The following CACNA1G variants were observed in gnomAD, a reference collection of about 807,000 sequenced individuals.
CACNA1G encodes the protein calcium voltage-gated channel subunit alpha1 G, also known as voltage-dependent T-type calcium channel subunit alpha-1G.
Under a neutral mutation model 219.4 loss-of-function variants are expected in CACNA1G, and 67 were observed. The observed-to-expected ratio is 0.31, with a 90% CI of 0.25 to 0.37. The LOEUF is 0.37. Ranked by LOEUF, CACNA1G falls within the 10% of genes least tolerant of loss-of-function variation. CACNA1G has a pLI of 1.00. For missense variants in CACNA1G, 2,380 were observed against 3,231.4 expected, an observed-to-expected ratio of 0.74 and a Z score of 6.39; for synonymous variants, 1,296 against 1,345.3, an observed-to-expected ratio of 0.96 and a Z score of 0.80.
chr17:50,615,197 C>T (rs542625584), intron 26 of CACNA1G, among the ~76,000 whole-genome samples, 164 bp from the exon 27 acceptor site: 3 of 151,904 alleles, frequency 2.0e-5, no homozygotes, highest in East Asian at 1.9e-4. Context: ...CACGCCCAGA[C>T]GGCTGCCCCC....
In CACNA1G at chr17:50,596,862, C is replaced by T. The variant is rs577659325; in HGVS notation, c.3197C>T (p.Ser1066Leu). The T allele has an allele frequency of 2.9e-5, 46 of 1,595,396 alleles. No individual in the cohort carries two copies. In the African/African-American group the frequency reaches 4.3e-4, roughly 15 times the overall value. Residue 1066 changes from serine (S) to leucine (L), a missense_variant, in exon 16 of 38, where the codon TCG becomes TTG. Transcript: ENST00000359106. The surrounding 1 kb of genome is among the most constrained non-coding windows in gnomAD (Gnocchi z 4.8). ...TGLGEALGPA[S>L]RRTSSSGSAE... ...CTGGGCGAGGCGCTGGGCCCTGCGT[C>T]GCGCCGCACCAGCAGCAGCGGGTCG...
At position 50,575,744 on chromosome 17, in the gene CACNA1G, G is replaced by A. The variant is rs1424708766; in HGVS notation, c.1342G>A (p.Ala448Thr). The change falls in exon 8 of 38, where the codon GCC becomes ACC. Residue 448 changes from alanine (A) to threonine (T), a missense_variant. By Grantham distance (58) the Ala-to-Thr change is moderately conservative (BLOSUM62 0). Around this residue, in one of 17 missense-constraint regions of CACNA1G, gnomAD observed 434 missense variants for 417.3 expected, o/e 1.04. Coordinates refer to ENST00000359106, the MANE Select transcript of CACNA1G (RefSeq NM_018896.5). ...CCTGGTGTACATCCTTCGTAAGGCA[G>A]CCCGCAGGCTGGCTCAGGTCTCTCG... Reference protein sequence around the residue: ...KYLVYILRKAARRLAQVSRAA... With the variant: ...KYLVYILRKATRRLAQVSRAA... 1.3e-6 allele frequency: 2 copies of A among 1,575,996 alleles called. No individual in the cohort carries two copies. Among genetic ancestry groups the A allele is most frequent in the Non-Finnish European group, 1.7e-6 (2 of 1,161,114 alleles).
At chr17:50,572,942 G>C in intron 6 of CACNA1G, 79 bp from the exon 7 acceptor site, 1 of 1,571,596 alleles carries the variant, frequency 6.4e-7, no homozygotes, top group Non-Finnish European at 8.7e-7. Context: ...CAGGGTTGGG[G>C]TGGGGGTCAA....
chr17:50,625,254 A>C (rs2053446165), intron 37 of CACNA1G, among the ~76,000 whole-genome samples: 1 of 152,216 alleles, frequency 6.6e-6, no homozygotes, highest in Non-Finnish European at 1.5e-5. Flanking sequence ...GCCCGGCCCC[A>C]GAGCCCACCT....
chr17:50,606,728 T>A (rs2048044574), intron 23 of CACNA1G, among the ~76,000 whole-genome samples, 172 bp from the exon 24 acceptor site: 1 of 152,092 alleles, frequency 6.6e-6, no homozygotes, highest in Non-Finnish European at 1.5e-5. Flanking sequence ...GCAGCTCAGT[T>A]ATGGAACCCT....
At chr17:50,594,266 C>G (rs1598402125) in intron 13 of CACNA1G, among the ~76,000 whole-genome samples, 1 of 152,348 alleles carries the variant, frequency 6.6e-6, no homozygotes, top group East Asian at 1.9e-4. Flanking sequence ...GAACAGGCAG[C>G]AGGCCCTGTG....
At chr17:50,613,154 C>T (rs562342122) in intron 26 of CACNA1G, among the ~76,000 whole-genome samples, 197 of 152,342 alleles carry the variant, frequency 1.3e-3, no homozygotes, top group African/African-American at 3.8e-3. Flanking sequence ...AAGTTCGGGT[C>T]CAGCTCGGTC....
rs773278358 is a variant in CACNA1G, at chr17:50,605,945, C to T, written c.4344C>T (p.Asn1448=). 2 of 1,613,732 alleles carry T rather than the reference C, an allele frequency of 1.2e-6. No individual in the cohort carries two copies. The highest frequency in any genetic ancestry group is 1.7e-5 in the Admixed American group (1 of 60,026). Residue 1448 remains asparagine, a synonymous_variant, in exon 23 of 38, where the codon AAC becomes AAT. Coordinates refer to ENST00000359106, the MANE Select transcript of CACNA1G (RefSeq NM_018896.5). ...TGTGCCAGGGCGAGGATACCAGGAA[C>T]ATCACCAATAAATCGGACTGTGCCG... The part of the protein sequence containing the change: ...FFVCQGEDTR[N]ITNKSDCAEA...
chr17:50,609,854 T>C, intron 25 of CACNA1G, 28 bp from the exon 26 acceptor site: 1 of 1,608,212 alleles, frequency 6.2e-7, no homozygotes, highest in Non-Finnish European at 8.5e-7. Flanking sequence ...GTCCGGCCAG[T>C]GACCAATGTC....
Position 50,600,831 on chromosome 17 carries a change from G to T in CACNA1G, c.3791+5G>T, listed in dbSNP as rs769626919. 3.7e-6 allele frequency: 6 copies of T among 1,612,280 alleles called. No individual in the cohort carries two copies. Among genetic ancestry groups the T allele is most frequent in the African/African-American group, 1.3e-5 (1 of 74,890 alleles). The stretch of plus-strand genomic sequence containing the variant: ...CATCTTCCCTCCTCAGTCCAGGTAA[G>T]TGACAGGGCAGGGGTCTGACCTGTG... On this transcript the variant is annotated splice_donor_5th_base_variant and intron_variant, in intron 18 of 37. Coordinates refer to ENST00000359106, the MANE Select transcript of CACNA1G (RefSeq NM_018896.5). The surrounding 1 kb of genome is among the most constrained non-coding windows in gnomAD (Gnocchi z 4.1).
At position 50,567,366 on chromosome 17, in the gene CACNA1G, G is replaced by A. The variant is rs564478283; in HGVS notation, c.243-1504G>A. Among the ~76,000 whole-genome samples the A allele has an allele frequency of 5.9e-5, 9 of 152,268 alleles. No homozygotes were observed. The East Asian group carries it at 1.5e-3, about 26-fold the overall frequency. ...AGTCTAGGGGAGAAGGGCCTGGGTG[G>A]TGGAGAAGAGACAGGGGAGGGCTGT... On this transcript the variant is annotated intron_variant, in intron 1 of 37. Coordinates refer to ENST00000359106, the MANE Select transcript of CACNA1G (RefSeq NM_018896.5).
At chr17:50,607,113 G>C (rs1281105767) in intron 24 of CACNA1G, 124 bp downstream of exon 24, 17 of 783,160 alleles carry the variant, frequency 2.2e-5, no homozygotes, top group Non-Finnish European at 8.9e-6. Flanking sequence ...TTTTACAGCA[G>C]AGGCTGTTGC....
chr17:50,576,516 C>T (rs1001251667), intron 8 of CACNA1G, among the ~76,000 whole-genome samples, 190 bp downstream of exon 8: 2 of 152,276 alleles, frequency 1.3e-5, no homozygotes, highest in South Asian at 2.1e-4. Context: ...TAAAGTGGAA[C>T]TCATAATTCC....
Position 50,576,160 on chromosome 17 carries a change from C to A in CACNA1G, c.1758C>A (p.Ser586Arg). 1.2e-6 allele frequency: 2 copies of A among 1,609,204 alleles called. No homozygotes were observed. The highest frequency in any genetic ancestry group is 1.7e-6 in the Non-Finnish European group (2 of 1,178,322). Residue 586 changes from serine to arginine, a missense_variant, in exon 8 of 38, where the codon AGC (serine) becomes AGA (arginine). Around this residue, in one of 17 missense-constraint regions of CACNA1G, gnomAD observed 434 missense variants for 417.3 expected, o/e 1.04. Transcript: ENST00000359106. ...PSEASGRTVG[S>R]GKVYPTVHTS... The stretch of plus-strand genomic sequence containing the variant: ...AGGCATCCGGCAGGACTGTGGGCAG[C>A]GGGAAGGTGTATCCCACCGTGCACA...
chr17:50,604,145 C>G lies in CACNA1G; in HGVS notation c.4170-10C>G. ...GGAAGCCTTATCACCTCCCTCCCTCCCCTCCCCAGGGTGATCAGCCGGGCG... is the reference window on the plus strand; with the variant it reads ...GGAAGCCTTATCACCTCCCTCCCTCGCCTCCCCAGGGTGATCAGCCGGGCG... On this transcript the variant is annotated splice_polypyrimidine_tract_variant and intron_variant, in intron 21 of 37. Transcript: ENST00000359106. 3 of 1,611,866 alleles carry G rather than the reference C, an allele frequency of 1.9e-6. No individual in the cohort carries two copies. In the South Asian group the frequency reaches 3.3e-5, roughly 18 times the overall value.
At position 50,616,287 on chromosome 17, in the gene CACNA1G, G is replaced by T; in HGVS notation, c.4924G>T (p.Ala1642Ser). Reference sequence around the variant, plus strand: ...CCATCCCTGCCAGATTCTGGATGAGGCTCTGAAGATCTGCAACTACATCTT... The same window carrying T: ...CCATCCCTGCCAGATTCTGGATGAGTCTCTGAAGATCTGCAACTACATCTT... ...HYQQPQILDE[A>S]LKICNYIFTV... is the part of the protein sequence containing the mutation. The change falls in exon 28 of 38, where the codon GCT becomes TCT. Residue 1642 changes from alanine to serine, a missense_variant. Ala to Ser is a moderately conservative substitution (Grantham distance 99, BLOSUM62 1). Transcript: ENST00000359106. 6.2e-7 allele frequency: 1 copy of T among 1,611,316 alleles called. No individual in the cohort carries two copies. The highest frequency in any genetic ancestry group is 8.5e-7 in the Non-Finnish European group (1 of 1,177,488).
At chr17:50,609,238 G>A (rs2048651546) in intron 25 of CACNA1G, among the ~76,000 whole-genome samples, 1 of 152,114 alleles carries the variant, frequency 6.6e-6, no homozygotes, top group African/African-American at 2.4e-5. Context: ...CGAGGGTGGA[G>A]GTGGGAGGGG....
At chr17:50,619,031 C>A in intron 33 of CACNA1G, 23 bp downstream of exon 33, 1 of 1,482,674 alleles carries the variant, frequency 6.7e-7, no homozygotes, top group Non-Finnish European at 9.0e-7. Context: ...CCACCCCAGC[C>A]GTGAGAGGAG....
In CACNA1G at chr17:50,591,970, T is replaced by G; in HGVS notation, c.2788T>G (p.Tyr930Asp). The stretch of plus-strand genomic sequence containing the variant: ...CCAGGAGGACTGGAACAAAGTCCTC[T>G]ACAATGGTATGGCCTCCACGTCGTC... Reference protein sequence around the residue: ...LTQEDWNKVLYNGMASTSSWA... With the variant: ...LTQEDWNKVLDNGMASTSSWA... Residue 930 changes from tyrosine (Y) to aspartate (D), a missense_variant, in exon 13 of 38, where the codon TAC becomes GAC. Physicochemically the swap from Tyr to Asp is radical, Grantham distance 160. This residue lies in a region of CACNA1G where 43 missense variants were observed against 139.4 expected (regional missense o/e 0.31). Transcript: ENST00000359106. 1 of 1,614,034 alleles carries G rather than the reference T, an allele frequency of 6.2e-7. No individual in the cohort carries two copies. Among genetic ancestry groups the G allele is most frequent in the South Asian group, 1.1e-5 (1 of 91,082 alleles).
Sources: allele counts gnomAD v4.1 joint callset (sites outside exome capture counted in the v4.1 genomes callset), GRCh38; gene constraint gnomAD v4.1.1; regional missense constraint gnomAD v4.1.1; non-coding constraint Gnocchi (gnomAD v3.1); transcripts MANE v1.5; gene names NCBI Gene and HGNC (gene_info 2026-07-23, HGNC 2026-07-21).